Variants in NEDD4L observed in about 807,000 individuals in gnomAD.
NEDD4L encodes the protein NEDD4 like E3 ubiquitin protein ligase, also known as E3 ubiquitin-protein ligase NEDD4-like.
NEDD4L carries 54 observed loss-of-function variants against 148.9 expected under a neutral mutation model. The ratio of observed to expected loss-of-function variants is 0.36; its 90% CI spans 0.29 to 0.45. NEDD4L has a LOEUF of 0.45. Ranked by LOEUF, NEDD4L falls within the 20% of genes least tolerant of loss-of-function variation. The pLI, the probability that NEDD4L is intolerant of heterozygous loss-of-function variation, is 1.00. For missense variants in NEDD4L, 856 were observed against 1,233.8 expected, an observed-to-expected ratio of 0.69 and a Z score of 4.59; for synonymous variants, 433 against 440.7, an observed-to-expected ratio of 0.98 and a Z score of 0.22.
At chr18:58,350,707 C>T (rs981148996) in intron 17 of NEDD4L, among the ~76,000 whole-genome samples, 1 of 152,208 alleles carries the variant, frequency 6.6e-6, no homozygotes, top group Admixed American at 6.5e-5. Context: ...CTCCACTGTT[C>T]CATGGAATGC....
intron 2 of NEDD4L, among the ~76,000 whole-genome samples, chr18:58,239,392 A>G (rs917065521): frequency 6.6e-6 from 1 of 152,196 alleles, no homozygotes; most frequent in Non-Finnish European, 1.5e-5. Context: ...TCTTGGAAGA[A>G]CACCTCTATA....
chr18:58,164,611 C>T (rs502163), intron 1 of NEDD4L, among the ~76,000 whole-genome samples: 79,697 of 152,008 alleles, frequency 0.52, 21,202 homozygotes, highest in African/African-American at 0.57. Flanking sequence ...GCTGGGATTA[C>T]AGGCACATGC....
intron 2 of NEDD4L, among the ~76,000 whole-genome samples, chr18:58,189,180 T>C (rs1167091501): frequency 6.6e-6 from 1 of 152,196 alleles, no homozygotes; most frequent in Non-Finnish European, 1.5e-5. Context: ...CCACGTCAGG[T>C]TGTCGCTGCC....
rs189366956 is a variant in NEDD4L, at chr18:58,333,388, A to G, written c.991-430A>G. On this transcript the variant is annotated intron_variant, in intron 11 of 30. Transcript: ENST00000400345. ...ATAGGATGCAACTGACTCTTTTTCAATTGTAGTAATCAATAAATGTTGGGT... is the reference window on the plus strand; with the variant it reads ...ATAGGATGCAACTGACTCTTTTTCAGTTGTAGTAATCAATAAATGTTGGGT... Among the ~76,000 whole-genome samples, 227 of 152,244 alleles carry G rather than the reference A, an allele frequency of 1.5e-3. 1 individual carries two copies. The highest frequency in any genetic ancestry group is 4.1e-4 in the South Asian group (2 of 4,820).
At chr18:58,276,206 T>TTG (rs2051940913) in intron 5 of NEDD4L, among the ~76,000 whole-genome samples, 1 of 116,854 alleles carries the variant, frequency 8.6e-6, no homozygotes, top group Admixed American at 8.2e-5. Flanking sequence ...TTTTTTTTTT[T>TTG]TTTTTTGGGT....
intron 1 of NEDD4L, among the ~76,000 whole-genome samples, chr18:58,116,094 C>T (rs2085815872): frequency 6.6e-6 from 1 of 152,212 alleles, no homozygotes; most frequent in Non-Finnish European, 1.5e-5. Context: ...CCAGCGCACA[C>T]CCCAGTGTGC....
chr18:58,144,262 G>A (rs1289162907), intron 1 of NEDD4L, among the ~76,000 whole-genome samples: 1 of 152,126 alleles, frequency 6.6e-6, no homozygotes, highest in Non-Finnish European at 1.5e-5. Flanking sequence ...GATGCATGAT[G>A]CTGACATCTG....
At chr18:58,211,637 T>A (rs948505356) in intron 2 of NEDD4L, among the ~76,000 whole-genome samples, 2 of 152,210 alleles carry the variant, frequency 1.3e-5, no homozygotes, top group African/African-American at 4.8e-5. Flanking sequence ...TCCTGAAGTC[T>A]TTATAGAAGA....
rs138902493 is a variant in NEDD4L, at chr18:58,225,167, A to G, written c.123-20260A>G. On this transcript the variant is annotated intron_variant, in intron 2 of 30. Coordinates refer to ENST00000400345, the MANE Select transcript of NEDD4L (RefSeq NM_001144967.3). Reference sequence around the variant, plus strand: ...GGGGAAGAGAATGAGAAGACAAGACACAGTCAGGGCCCTGTCACCCGTGTG... The same window carrying G: ...GGGGAAGAGAATGAGAAGACAAGACGCAGTCAGGGCCCTGTCACCCGTGTG... Among the ~76,000 whole-genome samples, 614 of 152,304 alleles carry G rather than the reference A, an allele frequency of 4.0e-3. 2 individuals are homozygous for G. The highest frequency in any genetic ancestry group is 0.014 in the African/African-American group (594 of 41,568).
intron 1 of NEDD4L, among the ~76,000 whole-genome samples, chr18:58,135,218 A>G (rs1017700691): frequency 6.6e-6 from 1 of 152,232 alleles, no homozygotes; most frequent in Non-Finnish European, 1.5e-5. Flanking sequence ...GAATGAATGA[A>G]TGAATGAAAT....
Position 58,215,187 on chromosome 18 carries a change from C to A in NEDD4L, c.123-30240C>A, listed in dbSNP as rs115080521. On this transcript the variant is annotated intron_variant, in intron 2 of 30. Transcript: ENST00000400345. The stretch of plus-strand genomic sequence containing the variant: ...ATAGTTGAATTCCTGGTTCAAAGGA[C>A]AAGAACATTTACAATGTTCATAGAC... 3.0e-3 allele frequency among the ~76,000 whole-genome samples: 463 copies of A among 152,254 alleles called. 5 individuals carry two copies. Among genetic ancestry groups the A allele is most frequent in the African/African-American group, 0.01 (434 of 41,552 alleles).
intron 5 of NEDD4L, among the ~76,000 whole-genome samples, chr18:58,263,129 T>C (rs2049690496): frequency 6.6e-6 from 1 of 152,212 alleles, no homozygotes; most frequent in African/African-American, 2.4e-5. Flanking sequence ...TGCTACACTT[T>C]AGTATTCGGA....
intron 1 of NEDD4L, among the ~76,000 whole-genome samples, chr18:58,058,204 G>C (rs1206371687): frequency 6.6e-6 from 1 of 152,186 alleles, no homozygotes; most frequent in African/African-American, 2.4e-5. Context: ...CTCTCGGGAG[G>C]CTGAGGCAGG....
Position 58,396,228 on chromosome 18 carries a change from A to T in NEDD4L, c.2887A>T (p.Met963Leu), listed in dbSNP as rs1209912013. 1.2e-6 allele frequency: 2 copies of T among 1,613,516 alleles called. No individual in the cohort carries two copies. The highest frequency in any genetic ancestry group is 1.1e-5 in the South Asian group (1 of 90,958). ...TGAAGATTTACGAGAGAAACTTCTC[A>T]TGGCCGTGGAAAATGCTCAAGGATT... is the stretch of plus-strand genomic sequence containing the variant. The part of the protein sequence containing the change: ...TFEDLREKLL[M>L]AVENAQGFEG... Residue 963 changes from methionine (M) to leucine (L), a missense_variant, in exon 31 of 31, where the codon ATG becomes TTG. By Grantham distance (15) the Met-to-Leu change is conservative. Transcript: ENST00000400345.
chr18:58,176,200 A>C (rs2038122141), intron 2 of NEDD4L, among the ~76,000 whole-genome samples: 1 of 145,942 alleles, frequency 6.9e-6, no homozygotes, highest in East Asian at 2.1e-4. Context: ...TCTCTCTCTC[A>C]CTCTCCCCCT....
At chr18:58,389,345 A>C in intron 28 of NEDD4L, 153 bp downstream of exon 28, 1 of 574,640 alleles carries the variant, frequency 1.7e-6, no homozygotes, top group Non-Finnish European at 3.1e-6. Flanking sequence ...AGGCAAACTG[A>C]GCCAGCAGCC....
chr18:58,173,637 C>T (rs572389129), intron 2 of NEDD4L, among the ~76,000 whole-genome samples: 2 of 152,282 alleles, frequency 1.3e-5, no homozygotes, highest in East Asian at 1.9e-4. Flanking sequence ...GTATTTGCTC[C>T]ATCTCTTTTT....
chr18:58,135,276 G>A (rs960418557), intron 1 of NEDD4L, among the ~76,000 whole-genome samples: 8 of 152,180 alleles, frequency 5.3e-5, no homozygotes, highest in Non-Finnish European at 1.0e-4. Flanking sequence ...AGGAGAGAAG[G>A]GACGATGATG....
intron 24 of NEDD4L, among the ~76,000 whole-genome samples, chr18:58,382,461 C>G (rs534286783): frequency 6.6e-6 from 1 of 152,330 alleles, no homozygotes; most frequent in South Asian, 2.1e-4. Context: ...GGCTTTCTTT[C>G]AGTAGGAGAG....
Sources: allele counts gnomAD v4.1 joint callset (sites outside exome capture counted in the v4.1 genomes callset), GRCh38; gene constraint gnomAD v4.1.1; transcripts MANE v1.5; gene names NCBI Gene and HGNC (gene_info 2026-07-23, HGNC 2026-07-21).